DGKB: variants seen among roughly 807,000 people sequenced by gnomAD.
DGKB encodes the protein diacylglycerol kinase beta.
Under a neutral mutation model 114.3 loss-of-function variants are expected in DGKB, and 67 were observed. The observed-to-expected ratio is 0.59, with a 90% confidence interval of 0.48 to 0.72. The LOEUF is 0.72. Among genes scored for constraint, DGKB ranks in the 30% least tolerant of loss-of-function variants. The pLI is 0.00. For synonymous variants in DGKB, 398 were observed against 323.1 expected (o/e 1.23, Z -2.49); for missense variants, 907 against 975.2 (o/e 0.93, Z 0.93).
chr7:14,956,600 C>A (rs1786518721), intron 1 of DGKB, among the ~76,000 whole-genome samples: 1 of 152,012 alleles, frequency 6.6e-6, no homozygotes, highest in Admixed American at 6.6e-5. Context: ...AAAGAGGCTA[C>A]ATGAATAAGA....
chr7:14,915,380 C>T (rs954054544), intron 1 of DGKB, among the ~76,000 whole-genome samples: 8 of 152,014 alleles, frequency 5.3e-5, no homozygotes, highest in Non-Finnish European at 8.8e-5. Flanking sequence ...GTGACCCTAA[C>T]GCCATAAGAA....
intron 17 of DGKB, among the ~76,000 whole-genome samples, chr7:14,593,213 A>T (rs1162023792): frequency 6.6e-6 from 1 of 152,004 alleles, no homozygotes; most frequent in Non-Finnish European, 1.5e-5. Context: ...AGTGAAGGAG[A>T]GAGGGACAGA....
chr7:14,860,159 T>C (rs1586968598), intron 1 of DGKB, among the ~76,000 whole-genome samples: 4 of 152,158 alleles, frequency 2.6e-5, no homozygotes, highest in African/African-American at 9.6e-5. Flanking sequence ...TGTTCAATAC[T>C]GTCTTTGACT....
rs115647323 is a variant in DGKB, at chr7:14,470,780, A to T, written c.1835+7381T>A. On this transcript the variant is annotated intron_variant, in intron 21 of 25. Transcript: ENST00000402815. ...TTCAATTGGCTTTTTTCATTTGTACATTAAAGATTCTTACAGAAGATCAAG... is the reference window on the plus strand; with the variant it reads ...TTCAATTGGCTTTTTTCATTTGTACTTTAAAGATTCTTACAGAAGATCAAG... Among the ~76,000 whole-genome samples, 192 of 151,814 alleles carry T rather than the reference A, an allele frequency of 1.3e-3. 2 individuals are homozygous for T. Among genetic ancestry groups the T allele is most frequent in the African/African-American group, 4.5e-3 (186 of 41,548 alleles).
intron 23 of DGKB, among the ~76,000 whole-genome samples, chr7:14,199,002 G>C (rs1430886362): frequency 6.6e-6 from 1 of 152,128 alleles, no homozygotes; most frequent in East Asian, 1.9e-4. Context: ...TAGCTAAAGG[G>C]CAACTTCAGG....
chr7:14,950,141 C>T (rs1310828183), intron 1 of DGKB, among the ~76,000 whole-genome samples: 1 of 151,478 alleles, frequency 6.6e-6, no homozygotes, highest in African/African-American at 2.4e-5. Flanking sequence ...AAGACCAAGA[C>T]AAAGAGAAAA....
At chr7:14,891,480 G>A (rs1781216430) in intron 1 of DGKB, among the ~76,000 whole-genome samples, 1 of 151,516 alleles carries the variant, frequency 6.6e-6, no homozygotes, top group East Asian at 1.9e-4. Context: ...AAGCAGCACT[G>A]AAAGAATGAA....
chr7:14,811,295 A>G (rs1289472712), intron 2 of DGKB, among the ~76,000 whole-genome samples: 4 of 152,124 alleles, frequency 2.6e-5, no homozygotes, highest in Non-Finnish European at 5.9e-5. Context: ...GCAGCTTCAA[A>G]CTTCCAGGAT....
intron 14 of DGKB, among the ~76,000 whole-genome samples, chr7:14,622,989 C>G (rs62445614): frequency 1.3e-5 from 2 of 152,052 alleles, no homozygotes; most frequent in African/African-American, 4.8e-5. Context: ...TATTATTTAT[C>G]TGATTTGTTT....
In DGKB at chr7:14,148,777, GT is replaced by G; in HGVS notation, c.*353del. Reference sequence around the variant, plus strand: ...TAATTGGAATCACACTGAGAATCACGTTTCCCATGGTATTTCCTTTTTCATG... The same window carrying G: ...TAATTGGAATCACACTGAGAATCACGTTCCCATGGTATTTCCTTTTTCATG... On this transcript the variant is annotated 3_prime_UTR_variant, in exon 26 of 26. Transcript: ENST00000402815. The G allele has an allele frequency of 3.3e-6, 1 of 307,636 alleles. No individual in the cohort carries two copies. Among genetic ancestry groups the G allele is most frequent in the Non-Finnish European group, 6.1e-6 (1 of 163,042 alleles). 19.1% of individuals were successfully genotyped at this position (307,636 alleles called of 1,614,324 possible).
intron 20 of DGKB, among the ~76,000 whole-genome samples, chr7:14,480,702 A>C (rs78652907): frequency 0.045 from 6,905 of 152,212 alleles, 255 homozygotes; most frequent in African/African-American, 0.11. Flanking sequence ...CTCTGAATTC[A>C]GACTTTCTAC....
chr7:14,682,427 G>T, intron 12 of DGKB, 126 bp downstream of exon 12: 1 of 674,534 alleles, frequency 1.5e-6, no homozygotes. Context: ...GAAATGAGAA[G>T]TTTCCATGGT....
intron 2 of DGKB, among the ~76,000 whole-genome samples, chr7:14,801,919 T>TACACAC (rs1384121588): frequency 2.4e-5 from 3 of 126,448 alleles, no homozygotes; most frequent in Non-Finnish European, 4.7e-5. Flanking sequence ...CACACATATA[T>TACACAC]ACATATACAC....
chr7:14,483,169 ACT>A (rs1491141681), intron 20 of DGKB, among the ~76,000 whole-genome samples: 1 of 152,112 alleles, frequency 6.6e-6, no homozygotes, highest in African/African-American at 2.4e-5. Flanking sequence ...GAACCTGGTA[ACT>A]TTTTTTACAG....
At chr7:14,666,271 A>C (rs1431726596) in intron 13 of DGKB, among the ~76,000 whole-genome samples, 1 of 152,004 alleles carries the variant, frequency 6.6e-6, no homozygotes, top group Non-Finnish European at 1.5e-5. Flanking sequence ...TTAATTTTTA[A>C]AACTCCCTTT....
chr7:14,922,376 G>GTGTGTGTGTGTGTA (rs1491290688), intron 1 of DGKB, among the ~76,000 whole-genome samples: 93 of 30,198 alleles, frequency 3.1e-3, no homozygotes, highest in African/African-American at 0.011. Flanking sequence ...TGTATCCATC[G>GTGTGTGTGTGTGTA]TGTGTGTGTG....
At chr7:14,580,182 C>T (rs574869900) in intron 19 of DGKB, among the ~76,000 whole-genome samples, 2 of 152,300 alleles carry the variant, frequency 1.3e-5, no homozygotes, top group Admixed American at 1.3e-4. Flanking sequence ...GGCCTTTGAA[C>T]TCAATGTTCC....
At chr7:14,515,904 G>C (rs1236669250) in intron 20 of DGKB, among the ~76,000 whole-genome samples, 1 of 152,122 alleles carries the variant, frequency 6.6e-6, no homozygotes, top group Non-Finnish European at 1.5e-5. Flanking sequence ...GAGTGCAGTG[G>C]CAAGCTCATG....
intron 23 of DGKB, among the ~76,000 whole-genome samples, chr7:14,235,917 T>C (rs6461078): frequency 0.61 from 92,973 of 151,844 alleles, 29,904 homozygotes; most frequent in African/African-American, 0.81. Context: ...AGTGCACGTG[T>C]GCACATATAT....
Sources: allele counts gnomAD v4.1 joint callset (sites outside exome capture counted in the v4.1 genomes callset), GRCh38; gene constraint gnomAD v4.1.1; transcripts MANE v1.5; gene names NCBI Gene and HGNC (gene_info 2026-07-23, HGNC 2026-07-21).